Variants in SMAD1 observed in about 807,000 individuals in gnomAD.
SMAD1 encodes the protein MAD, mothers against decapentaplegic homolog 1.
In SMAD1, 6 loss-of-function variants were observed where a neutral mutation model predicts 41.6. That is an observed-to-expected ratio of 0.14 (90% CI 0.08 to 0.28). The LOEUF is 0.28. Among genes scored for constraint, SMAD1 ranks in the 10% least tolerant of loss-of-function variants. The pLI, the probability that SMAD1 is intolerant of heterozygous loss-of-function variation, is 1.00. For missense variants in SMAD1, 379 were observed against 582.6 expected (o/e 0.65, Z 3.60); for synonymous variants, 206 against 203.2 (o/e 1.01, Z -0.12).
chr4:145,530,261 C>T (rs557098997), intron 2 of SMAD1, among the ~76,000 whole-genome samples: 15 of 152,102 alleles, frequency 9.9e-5, no homozygotes, highest in South Asian at 6.3e-4. Context: ...ATAGAAAGAC[C>T]GGGAAAGGCA....
chr4:145,547,746 C>T (rs1732326720), intron 5 of SMAD1, among the ~76,000 whole-genome samples: 2 of 152,138 alleles, frequency 1.3e-5, no homozygotes, highest in African/African-American at 4.8e-5. Flanking sequence ...AAAAAGTAAA[C>T]CCTGTGAAGG....
chr4:145,500,385 C>T (rs772213684), intron 1 of SMAD1, among the ~76,000 whole-genome samples: 1 of 152,128 alleles, frequency 6.6e-6, no homozygotes, highest in Non-Finnish European at 1.5e-5. Flanking sequence ...CATTTCTCTC[C>T]CCTCACTCCA....
At chr4:145,556,484 T>C (rs1299266113) in intron 6 of SMAD1, among the ~76,000 whole-genome samples, 2 of 152,160 alleles carry the variant, frequency 1.3e-5, no homozygotes, top group Non-Finnish European at 2.9e-5. Context: ...CTTAAGACAG[T>C]CTCGCTCTGT....
intron 1 of SMAD1, among the ~76,000 whole-genome samples, chr4:145,488,090 CTT>C (rs1728573798): frequency 6.6e-6 from 1 of 150,800 alleles, no homozygotes; most frequent in Non-Finnish European, 1.5e-5. Context: ...TCCCAAATCT[CTT>C]TTATGTTCTT....
chr4:145,540,547 C>T (rs146376650), intron 3 of SMAD1, among the ~76,000 whole-genome samples: 1 of 152,226 alleles, frequency 6.6e-6, no homozygotes, highest in East Asian at 1.9e-4. Context: ...TCCCAAGAAA[C>T]GTATACTTTA....
chr4:145,489,295 G>A (rs183528056), intron 1 of SMAD1, among the ~76,000 whole-genome samples: 11 of 152,076 alleles, frequency 7.2e-5, no homozygotes, highest in Admixed American at 6.6e-4. Flanking sequence ...GAATTTTAGG[G>A]CCTTAGAGTG....
intron 1 of SMAD1, among the ~76,000 whole-genome samples, chr4:145,487,728 T>C (rs561832382): frequency 1.3e-5 from 2 of 152,334 alleles, no homozygotes; most frequent in East Asian, 3.9e-4. Context: ...CATCTTGCTC[T>C]GCGTTATTAA....
chr4:145,544,800 C>G (rs1459833860), intron 4 of SMAD1: 2 of 152,070 alleles, frequency 1.3e-5, no homozygotes, highest in African/African-American at 4.8e-5. Context: ...ACCCCTATCT[C>G]ACACATCTGT....
chr4:145,486,564 C>T (rs138341162), intron 1 of SMAD1, among the ~76,000 whole-genome samples: 77 of 152,282 alleles, frequency 5.1e-4, no homozygotes, highest in African/African-American at 1.9e-3. Context: ...CTTATTCCCA[C>T]CTTCCTATCC....
intron 1 of SMAD1, chr4:145,484,880 G>A (rs1383816613): frequency 1.3e-5 from 2 of 152,092 alleles, no homozygotes; most frequent in African/African-American, 4.8e-5. Context: ...CTACTGACAT[G>A]TTATTTCTTT....
At chr4:145,505,970 A>G (rs1278514332) in intron 1 of SMAD1, among the ~76,000 whole-genome samples, 2 of 151,996 alleles carry the variant, frequency 1.3e-5, no homozygotes, top group Admixed American at 1.3e-4. Flanking sequence ...CAGCCTCCCA[A>G]GTAGCTGGGT....
intron 2 of SMAD1, chr4:145,525,915 C>T (rs1730993489): frequency 2.0e-5 from 3 of 152,188 alleles, no homozygotes; most frequent in East Asian, 1.9e-4. Context: ...GGCAATTTTC[C>T]TCCAGTTCTC....
intron 1 of SMAD1, among the ~76,000 whole-genome samples, chr4:145,499,767 A>G (rs960047501): frequency 6.6e-6 from 1 of 152,164 alleles, no homozygotes; most frequent in Non-Finnish European, 1.5e-5. Flanking sequence ...CTGAAACACC[A>G]TCTGGTCCCA....
At chr4:145,492,434 A>C (rs1728818916) in intron 1 of SMAD1, among the ~76,000 whole-genome samples, 1 of 152,226 alleles carries the variant, frequency 6.6e-6, no homozygotes, top group Non-Finnish European at 1.5e-5. Flanking sequence ...ATTATAAAGG[A>C]TATTAAAAAG....
intron 5 of SMAD1, among the ~76,000 whole-genome samples, chr4:145,550,595 A>G (rs1732501946): frequency 1.3e-5 from 2 of 152,192 alleles, no homozygotes; most frequent in Admixed American, 1.3e-4. Context: ...CCTACCAGAA[A>G]TATATGAGTG....
intron 1 of SMAD1, chr4:145,496,947 G>C (rs1729109846): frequency 6.6e-6 from 1 of 152,130 alleles, no homozygotes; most frequent in Non-Finnish European, 1.5e-5. Context: ...GAGAAAGAGT[G>C]ATTTATATGA....
intron 3 of SMAD1, among the ~76,000 whole-genome samples, chr4:145,540,627 A>G (rs181319195): frequency 9.9e-4 from 151 of 152,234 alleles, no homozygotes; most frequent in African/African-American, 3.5e-3. Flanking sequence ...ACAAAAAACA[A>G]TTATCCTCTT....
At chr4:145,496,925 T>G (rs1729108796) in intron 1 of SMAD1, 2 of 152,224 alleles carry the variant, frequency 1.3e-5, no homozygotes, top group South Asian at 4.1e-4. Flanking sequence ...TTGCCTATAC[T>G]CTGAATTCCA....
At chr4:145,513,636 G>T (rs1303957915) in intron 1 of SMAD1, among the ~76,000 whole-genome samples, 1 of 152,050 alleles carries the variant, frequency 6.6e-6, no homozygotes, top group Admixed American at 6.6e-5. Flanking sequence ...TTATATAAGA[G>T]GAATTTTCTT....
Sources: allele counts gnomAD v4.1 joint callset (sites outside exome capture counted in the v4.1 genomes callset), GRCh38; gene constraint gnomAD v4.1.1; transcripts MANE v1.5; gene names NCBI Gene and HGNC (gene_info 2026-07-23, HGNC 2026-07-21).